The following LIPI variants were observed in gnomAD, a reference collection of about 807,000 sequenced individuals.
LIPI encodes lipase I.
Under a neutral mutation model 50.6 loss-of-function variants are expected in LIPI, and 59 were observed. That is an observed-to-expected ratio of 1.16 (90% CI 0.94 to 1.45). The LOEUF (loss-of-function observed/expected upper bound fraction) is 1.45, where lower values mean the gene tolerates loss of function less well. Ranked by LOEUF, LIPI falls within the 40% of genes most tolerant of loss-of-function variation. LIPI has a pLI of 0.00. For synonymous variants in LIPI, 203 were observed against 178.2 expected (o/e 1.14, Z -1.11); for missense variants, 586 against 536.3 (o/e 1.09, Z -0.92).
chr21:14,203,861 A>AGAAAGAAG (rs1191067729), intron 1 of LIPI, among the ~76,000 whole-genome samples: 1 of 151,760 alleles, frequency 6.6e-6, no homozygotes, highest in Non-Finnish European at 1.5e-5. Flanking sequence ...AAAAAGAGAA[A>AGAAAGAAG]GAAAGAAAAT....
intron 1 of LIPI, 62 bp from the exon 2 acceptor site, chr21:14,189,481 T>C: frequency 6.9e-7 from 1 of 1,453,356 alleles, no homozygotes; most frequent in Non-Finnish European, 9.6e-7. Context: ...CTGTTGCTAT[T>C]GCAAAGAACA....
chr21:14,154,415 T>G (rs1290167275), intron 7 of LIPI, among the ~76,000 whole-genome samples: 6 of 151,960 alleles, frequency 3.9e-5, no homozygotes, highest in Admixed American at 2.6e-4. Context: ...AAGACTACTA[T>G]TGAAAAGCTA....
chr21:14,199,305 G>A (rs1374333633), intron 1 of LIPI, among the ~76,000 whole-genome samples: 3 of 151,610 alleles, frequency 2.0e-5, no homozygotes, highest in Admixed American at 1.3e-4. Flanking sequence ...ATGAATCTAG[G>A]AGGTGGTTTT....
intron 9 of LIPI, among the ~76,000 whole-genome samples, chr21:14,122,968 A>G (rs974736261): frequency 1.3e-5 from 2 of 152,214 alleles, no homozygotes; most frequent in African/African-American, 4.8e-5. Context: ...ATGTCAGCCA[A>G]GAACCTATTT....
At chr21:14,160,395 T>C (rs2018421787) in intron 7 of LIPI, among the ~76,000 whole-genome samples, 1 of 151,308 alleles carries the variant, frequency 6.6e-6, no homozygotes, top group Non-Finnish European at 1.5e-5. Flanking sequence ...ATATATCTCA[T>C]CTACAGAGAT....
At chr21:14,187,819 T>C (rs1259616763) in intron 2 of LIPI, among the ~76,000 whole-genome samples, 3 of 152,180 alleles carry the variant, frequency 2.0e-5, no homozygotes, top group Non-Finnish European at 4.4e-5. Flanking sequence ...TCAATATTCA[T>C]ATAAATATTT....
chr21:14,169,371 C>A (rs1329622509), intron 4 of LIPI, among the ~76,000 whole-genome samples: 1 of 152,164 alleles, frequency 6.6e-6, no homozygotes, highest in African/African-American at 2.4e-5. Flanking sequence ...ACCTAATAGA[C>A]ATCTACAGAA....
intron 9 of LIPI, among the ~76,000 whole-genome samples, chr21:14,141,849 T>C (rs1022812031): frequency 6.6e-6 from 1 of 152,230 alleles, no homozygotes; most frequent in African/African-American, 2.4e-5. Flanking sequence ...AGATTTACAT[T>C]GTGTGCTGCC....
intron 1 of LIPI, among the ~76,000 whole-genome samples, chr21:14,204,104 G>A (rs367817811): frequency 7.2e-5 from 11 of 152,012 alleles, no homozygotes; most frequent in African/African-American, 1.7e-4. Flanking sequence ...TATGGGGAGC[G>A]AGAGCATCAG....
At chr21:14,128,633 A>C (rs2017162179) in intron 9 of LIPI, among the ~76,000 whole-genome samples, 1 of 151,996 alleles carries the variant, frequency 6.6e-6, no homozygotes, top group Non-Finnish European at 1.5e-5. Flanking sequence ...AAGATGCCTA[A>C]ATAGTCAAAG....
At chr21:14,149,893 G>C (rs1212234709) in intron 8 of LIPI, among the ~76,000 whole-genome samples, 1 of 152,202 alleles carries the variant, frequency 6.6e-6, no homozygotes, top group Non-Finnish European at 1.5e-5. Context: ...CTAGCGTTGG[G>C]TGTCTGCAGG....
chr21:14,180,992 AT>A (rs1290937590), intron 4 of LIPI, among the ~76,000 whole-genome samples: 1 of 152,172 alleles, frequency 6.6e-6, no homozygotes, highest in Non-Finnish European at 1.5e-5. Context: ...AAAACATATG[AT>A]TTCAAATTCT....
At chr21:14,159,049 C>A (rs1455533464) in intron 7 of LIPI, among the ~76,000 whole-genome samples, 1 of 151,402 alleles carries the variant, frequency 6.6e-6, no homozygotes, top group African/African-American at 2.4e-5. Context: ...AAAATTCTGC[C>A]AAACATTTAA....
chr21:14,146,890 T>C (rs1278724648), intron 8 of LIPI, among the ~76,000 whole-genome samples: 2 of 149,144 alleles, frequency 1.3e-5, no homozygotes, highest in Non-Finnish European at 3.0e-5. Context: ...GTGATTCTCC[T>C]GCCTCAGCTT....
intron 7 of LIPI, among the ~76,000 whole-genome samples, chr21:14,161,718 A>ATGTATAATATATACATTATTATATATAAT (rs1568858498): frequency 6.1e-4 from 54 of 88,218 alleles, no homozygotes; most frequent in Non-Finnish European, 9.5e-4. Context: ...TTATATATTA[A>ATGTATAATATATACATTATTATATATAAT]TATATAATAT....
intron 9 of LIPI, among the ~76,000 whole-genome samples, chr21:14,136,366 A>G (rs1291221699): frequency 6.6e-6 from 1 of 152,164 alleles, no homozygotes; most frequent in East Asian, 1.9e-4. Flanking sequence ...CAGGCTAGTT[A>G]GCATTCACCA....
chr21:14,181,031 C>A (rs1021752916), intron 4 of LIPI, among the ~76,000 whole-genome samples: 2 of 152,230 alleles, frequency 1.3e-5, no homozygotes, highest in Non-Finnish European at 2.9e-5. Context: ...ACCTTACAAC[C>A]TTTATTCTAG....
chr21:14,135,207 A>G (rs749569703), intron 9 of LIPI, among the ~76,000 whole-genome samples: 2 of 152,218 alleles, frequency 1.3e-5, no homozygotes, highest in Non-Finnish European at 2.9e-5. Context: ...ACTAATCATC[A>G]GAGAAATGCA....
At chr21:14,168,888 A>C (rs1381704695) in intron 4 of LIPI, among the ~76,000 whole-genome samples, 1 of 151,982 alleles carries the variant, frequency 6.6e-6, no homozygotes, top group African/African-American at 2.4e-5. Flanking sequence ...TAAATGGACT[A>C]AATGCTCCAA....
Sources: allele counts gnomAD v4.1 joint callset (sites outside exome capture counted in the v4.1 genomes callset), GRCh38; gene constraint gnomAD v4.1.1; transcripts MANE v1.5; gene names NCBI Gene and HGNC (gene_info 2026-07-23, HGNC 2026-07-21).